EIF3H: variants seen among roughly 807,000 people sequenced by gnomAD.
EIF3H encodes eIF-3-gamma.
A neutral mutation model predicts 44.2 loss-of-function variants in EIF3H; 26 were observed. The ratio of observed to expected loss-of-function variants is 0.59; its 90% CI spans 0.43 to 0.82. EIF3H has a LOEUF of 0.82. EIF3H is among the 40% of genes least tolerant of loss of function. The probability of loss-of-function intolerance (pLI) is 0.00; values close to 1 mark genes in which losing one functional copy is unlikely to be tolerated. For synonymous variants in EIF3H, 166 were observed against 151.9 expected (o/e 1.09, Z -0.68); for missense variants, 359 against 432.8 (o/e 0.83, Z 1.51).
chr8:116,704,057 T>C (rs56866878), intron 2 of EIF3H, among the ~76,000 whole-genome samples: 4,317 of 152,208 alleles, frequency 0.028, 198 homozygotes, highest in African/African-American at 0.099. Flanking sequence ...ACTAAGAAGA[T>C]AAAAACCGTT....
chr8:116,677,866 T>C (rs892002413), intron 2 of EIF3H, among the ~76,000 whole-genome samples: 3 of 152,238 alleles, frequency 2.0e-5, no homozygotes, highest in East Asian at 1.9e-4. Flanking sequence ...AGAAAAAATA[T>C]TTGTTTTTAA....
At chr8:116,746,974 CAG>C (rs1278658185) in intron 1 of EIF3H, among the ~76,000 whole-genome samples, 3 of 152,186 alleles carry the variant, frequency 2.0e-5, no homozygotes, top group African/African-American at 7.2e-5. Context: ...AGTTCAACAA[CAG>C]GGGACATTTA....
Position 116,755,806 on chromosome 8 carries a change from G to A in EIF3H, c.-9C>T, listed in dbSNP as rs377100004. 1.2e-6 allele frequency: 2 copies of A among 1,612,662 alleles called. No individual in the cohort carries two copies. Among genetic ancestry groups the A allele is most frequent in the Non-Finnish European group, 1.7e-6 (2 of 1,180,010 alleles). On this transcript the variant is annotated 5_prime_UTR_variant, in exon 1 of 8. Coordinates refer to ENST00000521861, the MANE Select transcript of EIF3H (RefSeq NM_003756.3). ...TCCTTGCGGGACGCCATCTTTCCAA[G>A]CAGACAGGAAGAAAGAGAAACGTGA...
rs116384045 is a variant in EIF3H, at chr8:116,729,052, T to C, written c.133-2880A>G. Among the ~76,000 whole-genome samples the C allele has an allele frequency of 6.1e-3, 934 of 152,310 alleles. 12 individuals carry two copies. The highest frequency in any genetic ancestry group is 0.021 in the African/African-American group (884 of 41,574). On this transcript the variant is annotated intron_variant, in intron 1 of 7. Coordinates refer to ENST00000521861, the MANE Select transcript of EIF3H (RefSeq NM_003756.3). ...ACAAATACAGGTGATCAAGACGGGA[T>C]AAACTAAACTGATAAAGAGTTATTA... is the stretch of plus-strand genomic sequence containing the variant.
chr8:116,658,889 T>A lies in EIF3H; in HGVS notation c.381A>T (p.Ser127=). 2 of 1,613,990 alleles carry A rather than the reference T, an allele frequency of 1.2e-6. No individual in the cohort carries two copies. The highest frequency in any genetic ancestry group is 1.7e-6 in the Non-Finnish European group (2 of 1,179,882). ...VGWYQSTYYG[S]FVTRALLDSQ... ...AGTCCAGGAGTGCCCGGGTAACGAATGAGCCATAGTATGTGGACTGATACC... is the reference window on the plus strand; with the variant it reads ...AGTCCAGGAGTGCCCGGGTAACGAAAGAGCCATAGTATGTGGACTGATACC... Residue 127 remains serine (S), a synonymous_variant, in exon 3 of 8, where the codon TCA becomes TCT. Coordinates refer to ENST00000521861, the MANE Select transcript of EIF3H (RefSeq NM_003756.3).
Position 116,710,520 on chromosome 8 carries a change from T to C in EIF3H, c.289+15496A>G, listed in dbSNP as rs536382395. 3.3e-5 allele frequency among the ~76,000 whole-genome samples: 5 copies of C among 152,342 alleles called. No homozygotes were observed. The East Asian group carries it at 9.6e-4, about 29-fold the overall frequency. On this transcript the variant is annotated intron_variant, in intron 2 of 7. Transcript: ENST00000521861. Reference sequence around the variant, plus strand: ...CTTCATTTTTATTTAATATAATACCTAGTGTACACCCACAAACTTAACTTT... The same window carrying C: ...CTTCATTTTTATTTAATATAATACCCAGTGTACACCCACAAACTTAACTTT...
intron 2 of EIF3H, among the ~76,000 whole-genome samples, chr8:116,698,163 G>C (rs527647683): frequency 6.6e-6 from 1 of 151,870 alleles, no homozygotes; most frequent in Non-Finnish European, 1.5e-5. Context: ...CAATTTCACA[G>C]GCAAAGTAAT....
At chr8:116,693,011 C>A (rs1814205419) in intron 2 of EIF3H, among the ~76,000 whole-genome samples, 2 of 152,084 alleles carry the variant, frequency 1.3e-5, no homozygotes, top group South Asian at 4.1e-4. Context: ...AAGTAACTTA[C>A]TTTGTAGAGA....
upstream of EIF3H, among the ~76,000 whole-genome samples, chr8:116,757,740 G>A (rs1361220650): frequency 2.9e-5 from 3 of 104,782 alleles, no homozygotes; most frequent in African/African-American, 7.2e-5. Flanking sequence ...TTTTTTTTTT[G>A]AGACAGAGTC....
intron 2 of EIF3H, among the ~76,000 whole-genome samples, chr8:116,695,216 C>A (rs886092061): frequency 7.2e-5 from 11 of 151,970 alleles, no homozygotes; most frequent in Non-Finnish European, 1.5e-4. Flanking sequence ...TACAGGCATG[C>A]CCCATCACGC....
intron 1 of EIF3H, among the ~76,000 whole-genome samples, chr8:116,735,104 A>T (rs1479441403): frequency 6.6e-6 from 1 of 152,210 alleles, no homozygotes; most frequent in East Asian, 1.9e-4. Context: ...AATAAAGTTC[A>T]GAGGTAAAAA....
chr8:116,692,114 C>G (rs1586459043), intron 2 of EIF3H, among the ~76,000 whole-genome samples: 1 of 152,166 alleles, frequency 6.6e-6, no homozygotes, highest in East Asian at 1.9e-4. Flanking sequence ...TAGGATCCCA[C>G]TCTGGCACTA....
At chr8:116,741,075 CAA>C (rs1212044448) in intron 1 of EIF3H, among the ~76,000 whole-genome samples, 3 of 152,132 alleles carry the variant, frequency 2.0e-5, no homozygotes, top group Admixed American at 6.5e-5. Flanking sequence ...TTAGAATCAT[CAA>C]GTCTGATTTC....
At chr8:116,737,189 A>C in intron 1 of EIF3H, 1 of 418,774 alleles carries the variant, frequency 2.4e-6, no homozygotes, top group East Asian at 7.1e-5. Context: ...CCTAAAAACA[A>C]ACATTCAAAC....
chr8:116,703,545 A>G (rs998204772), intron 2 of EIF3H, among the ~76,000 whole-genome samples: 1 of 152,246 alleles, frequency 6.6e-6, no homozygotes. Flanking sequence ...TCTGGATAGC[A>G]GTAGCAGAAT....
chr8:116,725,331 A>G (rs893016290), intron 2 of EIF3H, among the ~76,000 whole-genome samples: 1 of 152,222 alleles, frequency 6.6e-6, no homozygotes, highest in Non-Finnish European at 1.5e-5. Context: ...GCAAGATGAA[A>G]TAGTTCTAGA....
chr8:116,678,147 G>A (rs1348702191), intron 2 of EIF3H, among the ~76,000 whole-genome samples: 2 of 150,500 alleles, frequency 1.3e-5, no homozygotes, highest in Admixed American at 1.3e-4. Flanking sequence ...GCGCCGCCAC[G>A]CCTGACTGGT....
chr8:116,752,596 G>A (rs530062634), intron 1 of EIF3H, among the ~76,000 whole-genome samples: 7 of 150,174 alleles, frequency 4.7e-5, no homozygotes, highest in South Asian at 2.1e-4. Context: ...CAAGTCTGTC[G>A]TCAAGATTCT....
At chr8:116,696,358 A>G (rs1814268299) in intron 2 of EIF3H, among the ~76,000 whole-genome samples, 1 of 152,252 alleles carries the variant, frequency 6.6e-6, no homozygotes, top group Admixed American at 6.5e-5. Context: ...AGCCCACTGA[A>G]TAAAACAGGA....
Sources: gnomAD v4.1 joint callset for allele counts (sites outside exome capture counted in the v4.1 genomes callset) on GRCh38, gnomAD v4.1.1 for gene constraint, MANE v1.5 for transcripts, NCBI Gene and HGNC (gene_info 2026-07-23, HGNC 2026-07-21) for gene names.